The following IFT25 variants were observed in gnomAD, a reference collection of about 807,000 sequenced individuals.
The protein encoded by IFT25 is intraflagellar transport 25, also known as intraflagellar transport protein 25 homolog.
chr1:53,915,887 G>A, the IFT25 span, among the ~76,000 whole-genome samples: 12 of 152,256 alleles, frequency 7.9e-5, no homozygotes, highest in Non-Finnish European at 1.5e-4. Flanking sequence ...ACAAATGAGA[G>A]TTTAAAAAGG....
the IFT25 span, chr1:53,921,729 A>G: frequency 3.2e-5 from 52 of 1,613,958 alleles, no homozygotes; most frequent in Non-Finnish European, 4.4e-5. Context: ...AGGCTGATAC[A>G]ATAATGAATC....
the IFT25 span, among the ~76,000 whole-genome samples, chr1:53,941,703 C>A: frequency 3.3e-5 from 5 of 152,060 alleles, no homozygotes; most frequent in Non-Finnish European, 5.9e-5. Flanking sequence ...TCGACAAAAT[C>A]CTAAAATTAT....
chr1:53,931,459 T>C, the IFT25 span, among the ~76,000 whole-genome samples: 1 of 152,230 alleles, frequency 6.6e-6, no homozygotes, highest in Non-Finnish European at 1.5e-5. Context: ...ATAAAACAAT[T>C]TGGGAAATGT....
At chr1:53,937,766 G>A in the IFT25 span, among the ~76,000 whole-genome samples, 5 of 152,174 alleles carry the variant, frequency 3.3e-5, no homozygotes, top group African/African-American at 1.2e-4. Context: ...AGTGTTTCTG[G>A]AAAGTCCTCT....
the IFT25 span, among the ~76,000 whole-genome samples, chr1:53,932,459 T>A: frequency 3.3e-5 from 5 of 152,366 alleles, no homozygotes; most frequent in South Asian, 1.0e-3. Flanking sequence ...TTTTGTTGTT[T>A]ATTTCTAATT....
the IFT25 span, among the ~76,000 whole-genome samples, chr1:53,937,226 C>T: frequency 6.6e-6 from 1 of 152,190 alleles, no homozygotes; most frequent in African/African-American, 2.4e-5. Flanking sequence ...AAGCGATTCT[C>T]GTGCCTCAGC....
At chr1:53,945,066 A>C in the IFT25 span, among the ~76,000 whole-genome samples, 1 of 152,230 alleles carries the variant, frequency 6.6e-6, no homozygotes, top group East Asian at 1.9e-4. Context: ...GGCCAGGGCC[A>C]CGGCTTCCAA....
chr1:53,913,824 A>C, the IFT25 span, among the ~76,000 whole-genome samples: 1 of 152,184 alleles, frequency 6.6e-6, no homozygotes, highest in African/African-American at 2.4e-5. Context: ...CACTCTCTGC[A>C]CACACACACA....
the IFT25 span, among the ~76,000 whole-genome samples, chr1:53,936,961 G>C: frequency 3.3e-5 from 5 of 151,960 alleles, no homozygotes; most frequent in South Asian, 8.3e-4. Context: ...ACTATGCCCA[G>C]CTATTTATTT....
the IFT25 span, among the ~76,000 whole-genome samples, chr1:53,943,371 G>A: frequency 6.6e-6 from 1 of 152,192 alleles, no homozygotes; most frequent in South Asian, 2.1e-4. Context: ...CAGGTTAATG[G>A]CAATGAACTT....
the IFT25 span, among the ~76,000 whole-genome samples, chr1:53,943,258 C>T: frequency 3.3e-5 from 5 of 152,120 alleles, no homozygotes; most frequent in South Asian, 2.1e-4. Flanking sequence ...AAGAAATCTA[C>T]GAAGGAAGCC....
chr1:53,938,384 T>TAA, the IFT25 span, among the ~76,000 whole-genome samples: 2 of 151,948 alleles, frequency 1.3e-5, no homozygotes, highest in Non-Finnish European at 2.9e-5. Context: ...AACACTACAA[T>TAA]AAAGGAAAAA....
the IFT25 span, among the ~76,000 whole-genome samples, chr1:53,933,571 C>T: frequency 2.6e-5 from 4 of 152,262 alleles, no homozygotes; most frequent in East Asian, 7.7e-4. Context: ...TTGTAGGATG[C>T]ATCTTCTTTC....
chr1:53,928,292 T>G, the IFT25 span: 33 of 1,128,822 alleles, frequency 2.9e-5, no homozygotes, highest in Non-Finnish European at 4.3e-5. Flanking sequence ...TTCACCAAAG[T>G]GCAGCTAGAT....
chr1:53,933,466 A>T, the IFT25 span, among the ~76,000 whole-genome samples: 3 of 151,976 alleles, frequency 2.0e-5, no homozygotes, highest in Non-Finnish European at 4.4e-5. Context: ...ACTCTCTAAC[A>T]CTATAACGTG....
At chr1:53,911,867 GT>G in the IFT25 span, among the ~76,000 whole-genome samples, 7 of 152,264 alleles carry the variant, frequency 4.6e-5, no homozygotes, top group Non-Finnish European at 1.0e-4. Flanking sequence ...ACTCAGAACT[GT>G]GCCTGACTTG....
the IFT25 span, among the ~76,000 whole-genome samples, chr1:53,931,969 G>A: frequency 6.6e-6 from 1 of 151,986 alleles, no homozygotes; most frequent in Non-Finnish European, 1.5e-5. Flanking sequence ...TTTAACATAA[G>A]TATATATGCT....
chr1:53,918,811 G>C, the IFT25 span, among the ~76,000 whole-genome samples: 3 of 152,050 alleles, frequency 2.0e-5, no homozygotes, highest in East Asian at 5.8e-4. Context: ...GTAGATTGTA[G>C]CATTAATGGC....
chr1:53,931,939 G>A, the IFT25 span, among the ~76,000 whole-genome samples: 1 of 151,700 alleles, frequency 6.6e-6, no homozygotes, highest in South Asian at 2.1e-4. Context: ...TTAGATTATT[G>A]GTTTTACATT....
Sources: allele counts gnomAD v4.1 joint callset (sites outside exome capture counted in the v4.1 genomes callset), GRCh38; gene constraint gnomAD v4.1.1; transcripts MANE v1.5; gene names NCBI Gene and HGNC (gene_info 2026-07-23, HGNC 2026-07-21).